Variants in SLC2A12 observed in about 807,000 individuals in gnomAD.
SLC2A12 encodes solute carrier family 2 member 12.
In SLC2A12, 23 loss-of-function variants were observed where a neutral mutation model predicts 41.8. The observed-to-expected ratio is 0.55, with a 90% confidence interval of 0.40 to 0.78. The LOEUF (loss-of-function observed/expected upper bound fraction) is 0.78, where lower values mean the gene tolerates loss of function less well. Ranked by LOEUF, SLC2A12 falls within the 30% of genes least tolerant of loss-of-function variation. The pLI is 0.00. For missense variants in SLC2A12, 654 were observed against 745.6 expected (o/e 0.88, Z 1.43); for synonymous variants, 295 against 285.9 (o/e 1.03, Z -0.32).
At chr6:134,047,541 G>A (rs1777476081) in intron 1 of SLC2A12, among the ~76,000 whole-genome samples, 1 of 152,134 alleles carries the variant, frequency 6.6e-6, no homozygotes, top group South Asian at 2.1e-4. Context: ...GCTGCTCCAA[G>A]GTAGATTCAG....
At chr6:134,022,558 GAA>G (rs1167920170) in intron 2 of SLC2A12, among the ~76,000 whole-genome samples, 1 of 81,244 alleles carries the variant, frequency 1.2e-5, no homozygotes. Context: ...GAAAAGAAAA[GAA>G]AAGAAAAGAA....
At position 134,051,023 on chromosome 6, in the gene SLC2A12, T is replaced by C. The variant is rs941689913; in HGVS notation, c.103+1355A>G. Among the ~76,000 whole-genome samples the C allele has an allele frequency of 6.6e-5, 10 of 152,296 alleles. No homozygotes were observed. In the South Asian group the frequency reaches 1.7e-3, roughly 25 times the overall value. The stretch of plus-strand genomic sequence containing the variant: ...GCTCACTGTAACCTCCAAGTGATTC[T>C]TGTACCTCAGCCTCCTGAGTAGCTG... On this transcript the variant is annotated intron_variant, in intron 1 of 4. Coordinates refer to ENST00000275230, the MANE Select transcript of SLC2A12 (RefSeq NM_145176.3).
At chr6:133,994,981 G>A (rs999553210) in intron 4 of SLC2A12, among the ~76,000 whole-genome samples, 3 of 152,154 alleles carry the variant, frequency 2.0e-5, no homozygotes, top group African/African-American at 7.2e-5. Flanking sequence ...AGTGAGAATT[G>A]ACCACAGAGT....
intron 2 of SLC2A12, among the ~76,000 whole-genome samples, chr6:134,024,115 C>A (rs2114467473): frequency 6.6e-6 from 1 of 152,320 alleles, no homozygotes; most frequent in Admixed American, 6.5e-5. Context: ...GCGAGTTTGG[C>A]CAGATCTCCT....
At chr6:134,036,311 C>T (rs1287343359) in intron 1 of SLC2A12, among the ~76,000 whole-genome samples, 1 of 152,154 alleles carries the variant, frequency 6.6e-6, no homozygotes, top group African/African-American at 2.4e-5. Context: ...GGCCTTGCAG[C>T]TATGGCCTGC....
At chr6:134,043,156 A>C (rs1440856421) in intron 1 of SLC2A12, among the ~76,000 whole-genome samples, 1 of 152,110 alleles carries the variant, frequency 6.6e-6, no homozygotes, top group Non-Finnish European at 1.5e-5. Context: ...GGGATTCAAG[A>C]ATATGAAGGA....
At chr6:134,024,519 G>T (rs1777088172) in intron 2 of SLC2A12, among the ~76,000 whole-genome samples, 1 of 152,108 alleles carries the variant, frequency 6.6e-6, no homozygotes, top group South Asian at 2.1e-4. Flanking sequence ...GAAATGATTT[G>T]CCGTATCATT....
chr6:134,030,917 C>T (rs1348878079), intron 1 of SLC2A12, among the ~76,000 whole-genome samples: 1 of 152,162 alleles, frequency 6.6e-6, no homozygotes, highest in Non-Finnish European at 1.5e-5. Context: ...TTTATAAAGT[C>T]CACCTTCACT....
chr6:134,014,756 T>A (rs1392931716), intron 2 of SLC2A12, among the ~76,000 whole-genome samples: 1 of 152,222 alleles, frequency 6.6e-6, no homozygotes, highest in African/African-American at 2.4e-5. Flanking sequence ...CATAGAACTG[T>A]AATTGGAGTA....
chr6:133,991,739 A>G (rs531406288), intron 4 of SLC2A12, among the ~76,000 whole-genome samples: 9 of 152,338 alleles, frequency 5.9e-5, no homozygotes, highest in East Asian at 3.9e-4. Context: ...AAAAGATGCT[A>G]TTGTATTTTA....
At chr6:134,027,739 C>A (rs1777134137) in intron 2 of SLC2A12, among the ~76,000 whole-genome samples, 1 of 152,130 alleles carries the variant, frequency 6.6e-6, no homozygotes, top group Admixed American at 6.6e-5. Flanking sequence ...TATACTTTGT[C>A]ATTAGAGCAG....
rs1182572567 is a variant in SLC2A12, at chr6:134,006,176, G to GAAAAAAAAAAAAAAAAA, written c.1567+635_1567+636insTTTTTTTTTTTTTTTTT. Among the ~76,000 whole-genome samples, 17 of 61,784 alleles carry GAAAAAAAAAAAAAAAAA rather than the reference G, an allele frequency of 2.8e-4. 2 individuals are homozygous for GAAAAAAAAAAAAAAAAA. The highest frequency in any genetic ancestry group is 4.9e-4 in the Non-Finnish European group (15 of 30,594). The allele number at this position is 61,784 out of a possible 152,430, so 40.5% of individuals were successfully genotyped here. On this transcript the variant is annotated intron_variant, in intron 3 of 4. Coordinates refer to ENST00000275230, the MANE Select transcript of SLC2A12 (RefSeq NM_145176.3). ...CCTGGGCAACAGAGAGAGACTATCG[G>GAAAAAAAAAAAAAAAAA]AAAAAAAAAAAAAAAACAAAAAAAA...
chr6:133,997,431 A>G (rs573936722), intron 4 of SLC2A12, among the ~76,000 whole-genome samples: 29 of 152,228 alleles, frequency 1.9e-4, no homozygotes, highest in Non-Finnish European at 4.1e-4. Context: ...TGGATTGGAT[A>G]AAGAAAATGT....
At chr6:134,024,124 C>CT (rs1242075215) in intron 2 of SLC2A12, among the ~76,000 whole-genome samples, 1 of 152,224 alleles carries the variant, frequency 6.6e-6, no homozygotes, top group African/African-American at 2.4e-5. Context: ...GCCAGATCTC[C>CT]TCCTACAACT....
At position 134,052,582 on chromosome 6, in the gene SLC2A12, G is replaced by T; in HGVS notation, c.-102C>A. 2 of 866,992 alleles carry T rather than the reference G, an allele frequency of 2.3e-6. No homozygotes were observed. The highest frequency in any genetic ancestry group is 1.8e-6 in the Non-Finnish European group (1 of 548,978). The allele number at this position is 866,992 out of a possible 1,614,324, so 53.7% of individuals were successfully genotyped here. On this transcript the variant is annotated 5_prime_UTR_variant, in exon 1 of 5. Coordinates refer to ENST00000275230, the MANE Select transcript of SLC2A12 (RefSeq NM_145176.3). ...CCCCATAATAGCATGCTAAAGAAGA[G>T]TGTGGGGAAAAACTTCGGGCAAAGC...
rs1202659018 is a variant in SLC2A12 at position 134,029,468 on chromosome 6, G to A, written c.357C>T (p.Leu119=). Residue 119 remains leucine (L), a synonymous_variant, in exon 2 of 5, where the codon CTC becomes CTT. Coordinates refer to ENST00000275230, the MANE Select transcript of SLC2A12 (RefSeq NM_145176.3). The stretch of plus-strand genomic sequence containing the variant: ...AACTGAGGATCAAGACTAAGCTTCC[G>A]AGTCCAAGCAGGCAGGATGACAAGA... ...AIILSSCLLG[L]GSLVLILSLS... 11 of 1,614,006 alleles carry A rather than the reference G, an allele frequency of 6.8e-6. No individual in the cohort carries two copies. Among genetic ancestry groups the A allele is most frequent in the African/African-American group, 1.3e-5 (1 of 74,902 alleles).
In SLC2A12 at chr6:133,989,154, C is replaced by G. The variant is rs952907409; in HGVS notation, c.*2001G>C. On this transcript the variant is annotated 3_prime_UTR_variant, in exon 5 of 5. Transcript: ENST00000275230. ...ACAAAGATGGGAAGAAGTGAGTGCT[C>G]TGATGTCTTCTGCTGGCTCTCCATA... 19 of 152,136 alleles carry G rather than the reference C, an allele frequency of 1.2e-4. No individual in the cohort carries two copies. The highest frequency in any genetic ancestry group is 4.3e-4 in the African/African-American group (18 of 41,430). The allele number at this position is 152,136 out of a possible 1,614,324, so 9.4% of individuals were successfully genotyped here.
chr6:134,024,221 T>C (rs1777083448), intron 2 of SLC2A12, among the ~76,000 whole-genome samples: 1 of 152,236 alleles, frequency 6.6e-6, no homozygotes, highest in South Asian at 2.1e-4. Flanking sequence ...GCGAAAGACA[T>C]GAGTGCTGCA....
chr6:134,038,785 A>C (rs1202393541), intron 1 of SLC2A12, among the ~76,000 whole-genome samples: 2 of 140,438 alleles, frequency 1.4e-5, no homozygotes, highest in Non-Finnish European at 3.0e-5. Flanking sequence ...AGCTCACTGC[A>C]ACCTCTGTCC....
Sources: gnomAD v4.1 joint callset for allele counts (sites outside exome capture counted in the v4.1 genomes callset) on GRCh38, gnomAD v4.1.1 for gene constraint, MANE v1.5 for transcripts, NCBI Gene and HGNC (gene_info 2026-07-23, HGNC 2026-07-21) for gene names.